The following VPS13C variants were observed in gnomAD, a reference collection of about 807,000 sequenced individuals.
The protein encoded by VPS13C is vacuolar protein sorting 13 homolog C.
VPS13C carries 358 observed loss-of-function variants against 456.8 expected under a neutral mutation model. The observed-to-expected ratio is 0.78, with a 90% CI of 0.72 to 0.86. The LOEUF (loss-of-function observed/expected upper bound fraction) is 0.86, where lower values mean the gene tolerates loss of function less well. Ranked by LOEUF, VPS13C falls within the 40% of genes least tolerant of loss-of-function variation. VPS13C has a pLI of 0.00. For synonymous variants in VPS13C, 1,578 were observed against 1,486.7 expected, an observed-to-expected ratio of 1.06 and a Z score of -1.41; for missense variants, 4,818 against 4,385.4, an observed-to-expected ratio of 1.10 and a Z score of -2.79.
chr15:61,931,134 G>C lies in VPS13C; in HGVS notation c.5994C>G (p.Cys1998Trp), dbSNP rs767911166. The change falls in exon 50 of 85, where the codon TGC becomes TGG. Residue 1998 changes from cysteine (C) to tryptophan (W), a missense_variant. By Grantham distance (215) the Cys-to-Trp change is radical. This residue lies in a region of VPS13C where 4,552 missense variants were observed against 4,130.6 expected (regional missense o/e 1.10). Transcript: ENST00000644861. ...TTCCTTCTCTGAGATCATCAAGGGT[G>C]CATGTCTTAAGTTTAACGCTGACAT... ...SMNVSVKLKT[C>W]TLDDLREGIE... The C allele has an allele frequency of 6.2e-7, 1 of 1,614,102 alleles. No individual in the cohort carries two copies. The highest frequency in any genetic ancestry group is 1.1e-5 in the South Asian group (1 of 91,074).
chr15:61,943,918 A>AT (rs1230674074), intron 45 of VPS13C, among the ~76,000 whole-genome samples: 1 of 151,556 alleles, frequency 6.6e-6, no homozygotes, highest in Non-Finnish European at 1.5e-5. Context: ...AATCTATAAA[A>AT]AAAAAAAAGT....
intron 71 of VPS13C, 122 bp downstream of exon 71, chr15:61,881,437 GAATT>G: frequency 1.1e-6 from 1 of 917,020 alleles, no homozygotes; most frequent in Admixed American, 3.3e-5. Flanking sequence ...GACCAAAAGT[GAATT>G]AATAGGTTCA....
chr15:61,893,050 A>G (rs1459137417), intron 66 of VPS13C, among the ~76,000 whole-genome samples: 1 of 152,206 alleles, frequency 6.6e-6, no homozygotes, highest in Non-Finnish European at 1.5e-5. Flanking sequence ...GAGAAAGAGC[A>G]AGGGGTAGAA....
intron 3 of VPS13C, among the ~76,000 whole-genome samples, chr15:62,039,929 T>G (rs2048185364): frequency 6.6e-6 from 1 of 152,152 alleles, no homozygotes; most frequent in Non-Finnish European, 1.5e-5. Context: ...GCAGCACTAT[T>G]CACAATAGCC....
Position 61,983,932 on chromosome 15 carries a change from C to T in VPS13C, c.1802G>A (p.Gly601Asp). The change falls in exon 20 of 85, where the codon GGT becomes GAT. Residue 601 changes from glycine to aspartate, a missense_variant. By Grantham distance (94) the Gly-to-Asp change is moderately conservative. Transcript: ENST00000644861. ...DIVPSLVASI[G>D]DTTSSLLKIK... is the part of the protein sequence containing the mutation. ...TTTAAGCAAGGATGATGTAGTGTCA[C>T]CAATTGAAGCCACAAGTGATGGCAC... is the stretch of plus-strand genomic sequence containing the variant. The T allele has an allele frequency of 6.2e-7, 1 of 1,614,114 alleles. No homozygotes were observed. The highest frequency in any genetic ancestry group is 8.5e-7 in the Non-Finnish European group (1 of 1,179,998).
chr15:62,048,848 T>C lies in VPS13C; in HGVS notation c.101-4593A>G, dbSNP rs751142602. ...GTGGTTTTGATTTGCATTTCTCTGA[T>C]GGCCAGTGATGATGAGCATTTTTTC... is the stretch of plus-strand genomic sequence containing the variant. On this transcript the variant is annotated intron_variant, in intron 1 of 84. Transcript: ENST00000644861. 5.8e-3 allele frequency among the ~76,000 whole-genome samples: 883 copies of C among 152,370 alleles called. 5 individuals carry two copies. Among genetic ancestry groups the C allele is most frequent in the Non-Finnish European group, 0.01 (711 of 68,042 alleles).
rs537978890 is a variant in VPS13C, at chr15:62,038,413, A to G, written c.187+2911T>C. On this transcript the variant is annotated intron_variant, in intron 3 of 84. Coordinates refer to ENST00000644861, the MANE Select transcript of VPS13C (RefSeq NM_020821.3). Reference sequence around the variant, plus strand: ...AGAACAGCATGGGCAACATGATGAAACTGTATCTCTACAAAAAATACAAAT... The same window carrying G: ...AGAACAGCATGGGCAACATGATGAAGCTGTATCTCTACAAAAAATACAAAT... 2.0e-5 allele frequency among the ~76,000 whole-genome samples: 3 copies of G among 152,208 alleles called. No individual in the cohort carries two copies. The South Asian group carries it at 6.2e-4, about 32-fold the overall frequency.
chr15:61,896,448 G>C (rs2042816433), intron 66 of VPS13C, among the ~76,000 whole-genome samples: 2 of 152,346 alleles, frequency 1.3e-5, no homozygotes, highest in African/African-American at 4.8e-5. Flanking sequence ...GGAAGCGCAA[G>C]GGGTCAGGGA....
In VPS13C at chr15:61,890,376, C is replaced by G; in HGVS notation, c.9130G>C (p.Asp3044His). The change falls in exon 67 of 85, where the codon GAT (aspartate) becomes CAT (histidine). Residue 3044 changes from aspartate (D) to histidine (H), a missense_variant. By Grantham distance (81) the Asp-to-His change is moderately conservative. Around this residue, in one of 3 missense-constraint regions of VPS13C, gnomAD observed 4,552 missense variants for 4,130.6 expected, o/e 1.10. Transcript: ENST00000644861. ...ACCCAGTGTATCTGGATGTTTGCAT[C>G]ATATGGAAACTGTCCACATCCATCC... ...LKDGCGQFPYDANIQIHWVSF... is the reference protein window; with the variant it reads ...LKDGCGQFPYHANIQIHWVSF... The G allele has an allele frequency of 6.2e-7, 1 of 1,613,958 alleles. No homozygotes were observed. The highest frequency in any genetic ancestry group is 8.5e-7 in the Non-Finnish European group (1 of 1,179,966).
intron 74 of VPS13C, among the ~76,000 whole-genome samples, chr15:61,877,546 A>G (rs530669620): frequency 6.6e-6 from 1 of 151,370 alleles, no homozygotes; most frequent in Admixed American, 6.6e-5. Context: ...ATAATTAATG[A>G]TGCCATGCGT....
Position 61,922,391 on chromosome 15 carries a change from C to T in VPS13C, c.6975+6G>A, listed in dbSNP as rs766128268. 6.2e-7 allele frequency: 1 copy of T among 1,608,580 alleles called. No individual in the cohort carries two copies. The highest frequency in any genetic ancestry group is 1.1e-5 in the South Asian group (1 of 90,012). On this transcript the variant is annotated splice_donor_region_variant and intron_variant, in intron 54 of 84. Transcript: ENST00000644861. ...TCTCTGAAGGTATTAAGTGATGTGG[C>T]CATACCTGTAGTGTCACGTCAGCAA...
At chr15:61,935,971 T>C (rs971993957) in intron 48 of VPS13C, among the ~76,000 whole-genome samples, 11 of 152,166 alleles carry the variant, frequency 7.2e-5, no homozygotes, top group African/African-American at 2.7e-4. Flanking sequence ...ATTTACAGTC[T>C]AATTAAACAT....
intron 12 of VPS13C, 126 bp from the exon 13 acceptor site, chr15:62,010,725 T>A: frequency 9.9e-7 from 1 of 1,008,044 alleles, no homozygotes; most frequent in Non-Finnish European, 1.3e-6. Flanking sequence ...TGTAACAAAA[T>A]CACTACCAAA....
chr15:61,886,959 A>G (rs974656798), intron 67 of VPS13C, among the ~76,000 whole-genome samples: 1 of 152,202 alleles, frequency 6.6e-6, no homozygotes, highest in African/African-American at 2.4e-5. Context: ...AGCTAACATC[A>G]TAGTGAGAAA....
chr15:61,950,846 T>C (rs577222783), intron 40 of VPS13C, 99 bp downstream of exon 40: 4 of 817,614 alleles, frequency 4.9e-6, no homozygotes, highest in African/African-American at 3.5e-5. Context: ...TAAGTTTAGG[T>C]AGAAAAATGT....
chr15:61,853,707 A>T lies in VPS13C; in HGVS notation c.*750T>A, dbSNP rs1256851990. The T allele has an allele frequency of 6.6e-6, 1 of 152,134 alleles. No homozygotes were observed. Among genetic ancestry groups the T allele is most frequent in the Admixed American group, 6.5e-5 (1 of 15,268 alleles). The allele number at this position is 152,134 out of a possible 1,614,324, so 9.4% of individuals were successfully genotyped here. ...TTCAATTATTGAACAAATCACTCTT[A>T]AACAAAATGTCAGGATCCAACATTT... On this transcript the variant is annotated 3_prime_UTR_variant, in exon 85 of 85. Coordinates refer to ENST00000644861, the MANE Select transcript of VPS13C (RefSeq NM_020821.3).
At chr15:62,041,908 T>C (rs1596523702) in intron 2 of VPS13C, among the ~76,000 whole-genome samples, 1 of 152,188 alleles carries the variant, frequency 6.6e-6, no homozygotes, top group South Asian at 2.1e-4. Context: ...AGAAAAAGTT[T>C]GTAAATAGCC....
intron 16 of VPS13C, among the ~76,000 whole-genome samples, chr15:61,996,559 AG>A (rs2046390021): frequency 6.6e-6 from 1 of 152,200 alleles, no homozygotes; most frequent in Non-Finnish European, 1.5e-5. Context: ...GATGTCTGAT[AG>A]CTGGAACTAT....
chr15:61,937,429 C>T (rs2044264287), intron 47 of VPS13C, among the ~76,000 whole-genome samples: 1 of 152,150 alleles, frequency 6.6e-6, no homozygotes. Context: ...CACTTTCAAG[C>T]TGTCTTGCTG....
Sources: gnomAD v4.1 joint callset for allele counts (sites outside exome capture counted in the v4.1 genomes callset) on GRCh38, gnomAD v4.1.1 for gene constraint, gnomAD v4.1.1 regional missense constraint, MANE v1.5 for transcripts, NCBI Gene and HGNC (gene_info 2026-07-23, HGNC 2026-07-21) for gene names.